LRRC37A2: variants seen among roughly 807,000 people sequenced by gnomAD.
The protein encoded by LRRC37A2 is leucine-rich repeat-containing protein 37A2.
In LRRC37A2, 9 loss-of-function variants were observed where a neutral mutation model predicts 68.8. The ratio of observed to expected loss-of-function variants is 0.13; its 90% CI spans 0.08 to 0.23. LRRC37A2 has a LOEUF of 0.23. LRRC37A2 is among the 10% of genes least tolerant of loss of function. The pLI, the probability that LRRC37A2 is intolerant of heterozygous loss-of-function variation, is 1.00. For missense variants in LRRC37A2, 168 were observed against 950.4 expected, an observed-to-expected ratio of 0.18 and a Z score of 10.82; for synonymous variants, 63 against 367.6, an observed-to-expected ratio of 0.17 and a Z score of 9.48.
the LRRC37A2 span, among the ~76,000 whole-genome samples, chr17:46,771,061 T>A: frequency 6.6e-6 from 1 of 152,282 alleles, no homozygotes; most frequent in African/African-American, 2.4e-5. Context: ...CCGCCTCCCC[T>A]CCTGGGCTGT....
chr17:46,781,547 T>A, the LRRC37A2 span, among the ~76,000 whole-genome samples: 1 of 152,062 alleles, frequency 6.6e-6, no homozygotes, highest in Non-Finnish European at 1.5e-5. Context: ...TCTAGGTAAA[T>A]TCACAGGGAC....
the LRRC37A2 span, among the ~76,000 whole-genome samples, chr17:46,767,977 C>T: frequency 2.0e-5 from 3 of 152,066 alleles, no homozygotes; most frequent in African/African-American, 7.2e-5. Context: ...TTAGTAGAGA[C>T]GGGTTTCACC....
chr17:46,830,970 C>T, the LRRC37A2 span: 1 of 392,454 alleles, frequency 2.5e-6, no homozygotes, highest in Non-Finnish European at 4.5e-6. Flanking sequence ...GCCATAGTGT[C>T]TGGTTAGAAT....
chr17:46,876,414 G>A, the LRRC37A2 span: 1 of 1,613,684 alleles, frequency 6.2e-7, no homozygotes, highest in Admixed American at 1.7e-5. Flanking sequence ...GAGGCCTTGG[G>A]CCGCCTAGAG....
chr17:47,037,497 T>C, the LRRC37A2 span, among the ~76,000 whole-genome samples: 1 of 152,222 alleles, frequency 6.6e-6, no homozygotes, highest in Non-Finnish European at 1.5e-5. Context: ...CTGCTTCATG[T>C]TTACAGAATA....
the LRRC37A2 span, among the ~76,000 whole-genome samples, chr17:46,970,511 G>C: frequency 8.3e-6 from 1 of 120,122 alleles, no homozygotes; most frequent in Non-Finnish European, 1.6e-5. Context: ...CAGCACTCTA[G>C]CCCAGGCGAC....
At chr17:46,841,997 C>A in the LRRC37A2 span, among the ~76,000 whole-genome samples, 1 of 152,176 alleles carries the variant, frequency 6.6e-6, no homozygotes. Context: ...AGGGGGCGCT[C>A]CTGCAGAAGG....
At chr17:46,844,241 G>A in the LRRC37A2 span, among the ~76,000 whole-genome samples, 24 of 151,462 alleles carry the variant, frequency 1.6e-4, no homozygotes, top group Non-Finnish European at 3.2e-4. Flanking sequence ...ATAGGCATGA[G>A]CCACTGTATC....
chr17:46,927,827 C>G, the LRRC37A2 span, among the ~76,000 whole-genome samples: 1 of 152,094 alleles, frequency 6.6e-6, no homozygotes, highest in Non-Finnish European at 1.5e-5. Context: ...TCAGAGTGGT[C>G]TTGGCTATTC....
chr17:46,861,814 G>A, the LRRC37A2 span, among the ~76,000 whole-genome samples: 1 of 152,206 alleles, frequency 6.6e-6, no homozygotes, highest in Non-Finnish European at 1.5e-5. Context: ...GTTTTTCCTG[G>A]TGTTACAATC....
the LRRC37A2 span, among the ~76,000 whole-genome samples, chr17:46,979,669 T>C: frequency 0.077 from 11,685 of 152,206 alleles, 545 homozygotes; most frequent in Admixed American, 0.13. Context: ...CGGTCCTGCC[T>C]CACAGCTTTC....
the LRRC37A2 span, among the ~76,000 whole-genome samples, chr17:46,848,968 G>A: frequency 6.6e-6 from 1 of 151,984 alleles, no homozygotes; most frequent in African/African-American, 2.4e-5. Flanking sequence ...GTACACAGGA[G>A]CTGCTGTGGA....
chr17:46,948,179 C>A, the LRRC37A2 span, among the ~76,000 whole-genome samples: 1 of 152,218 alleles, frequency 6.6e-6, no homozygotes, highest in Non-Finnish European at 1.5e-5. Context: ...AGCAAGCCAC[C>A]TCACCTCTCC....
chr17:47,046,347 TAA>T, the LRRC37A2 span, among the ~76,000 whole-genome samples: 1 of 95,710 alleles, frequency 1.0e-5, no homozygotes, highest in Non-Finnish European at 2.1e-5. Flanking sequence ...TAAAAAATAA[TAA>T]TTTTCCGCTT....
chr17:46,768,536 A>G, the LRRC37A2 span: 1 of 1,614,164 alleles, frequency 6.2e-7, no homozygotes, highest in East Asian at 2.2e-5. This position sits in a 1 kb window ranked among gnomAD's most constrained non-coding sequence, Gnocchi z 5.0. Context: ...GGTTGGGCTC[A>G]CAAAAGTTGG....
the LRRC37A2 span, among the ~76,000 whole-genome samples, chr17:46,803,449 G>A: frequency 5.9e-5 from 9 of 152,140 alleles, no homozygotes; most frequent in East Asian, 7.7e-4. Context: ...GAGGAGAATC[G>A]CTTGAACCTG....
At chr17:46,737,185 A>G in the LRRC37A2 span, among the ~76,000 whole-genome samples, 5 of 152,344 alleles carry the variant, frequency 3.3e-5, no homozygotes, top group South Asian at 1.0e-3. Flanking sequence ...ACACTGTTCA[A>G]TTGTGAAGTT....
the LRRC37A2 span, among the ~76,000 whole-genome samples, chr17:47,036,417 T>C: frequency 6.6e-6 from 1 of 152,130 alleles, no homozygotes; most frequent in Non-Finnish European, 1.5e-5. Flanking sequence ...GTTGTCTAAT[T>C]TAAGGTCATG....
At chr17:46,936,381 A>C in the LRRC37A2 span, 2 of 985,404 alleles carry the variant, frequency 2.0e-6, no homozygotes, top group Non-Finnish European at 2.4e-6. Context: ...GCGCTGGGGC[A>C]TCAGCACACC....
Sources: allele counts gnomAD v4.1 joint callset (sites outside exome capture counted in the v4.1 genomes callset), GRCh38; gene constraint gnomAD v4.1.1; non-coding constraint Gnocchi (gnomAD v3.1); transcripts MANE v1.5; gene names NCBI Gene and HGNC (gene_info 2026-07-23, HGNC 2026-07-21).